Variants in SEMA4D observed in about 807,000 individuals in gnomAD.
SEMA4D encodes the protein semaphorin-4D.
Under a neutral mutation model 74.8 loss-of-function variants are expected in SEMA4D, and 22 were observed. The ratio of observed to expected loss-of-function variants is 0.29; its 90% CI spans 0.21 to 0.42. SEMA4D has a LOEUF of 0.42. Among genes scored for constraint, SEMA4D ranks in the 10% least tolerant of loss-of-function variants. The probability of loss-of-function intolerance (pLI) is 1.00; values close to 1 mark genes in which losing one functional copy is unlikely to be tolerated. For missense variants in SEMA4D, 937 were observed against 1,118.4 expected, an observed-to-expected ratio of 0.84 and a Z score of 2.31; for synonymous variants, 445 against 463.7, an observed-to-expected ratio of 0.96 and a Z score of 0.52.
intron 1 of SEMA4D, among the ~76,000 whole-genome samples, chr9:89,466,476 G>A (rs1858737617): frequency 6.6e-6 from 1 of 152,100 alleles, no homozygotes; most frequent in South Asian, 2.1e-4. Flanking sequence ...CAGGCCAGGT[G>A]AACACATGCT....
At chr9:89,388,406 A>G (rs567556500) in intron 11 of SEMA4D, among the ~76,000 whole-genome samples, 11 of 152,272 alleles carry the variant, frequency 7.2e-5, no homozygotes, top group Middle Eastern at 3.2e-3. Context: ...TTAATTGTGC[A>G]AAACAGCTGC....
At chr9:89,449,121 C>G (rs948651445) in intron 2 of SEMA4D, among the ~76,000 whole-genome samples, 6 of 152,198 alleles carry the variant, frequency 3.9e-5, no homozygotes, top group African/African-American at 1.4e-4. Flanking sequence ...GGGGTATGCT[C>G]ACTGAAAGCA....
intron 2 of SEMA4D, among the ~76,000 whole-genome samples, chr9:89,430,906 G>A (rs1849141265): frequency 1.3e-5 from 2 of 152,190 alleles, no homozygotes; most frequent in Admixed American, 1.3e-4. Flanking sequence ...GAACCCGGGA[G>A]GCGGAGGCTG....
intron 5 of SEMA4D, among the ~76,000 whole-genome samples, chr9:89,397,188 T>C (rs1300498274): frequency 6.6e-6 from 1 of 152,214 alleles, no homozygotes; most frequent in African/African-American, 2.4e-5. Flanking sequence ...CCCTAATTGA[T>C]ACTCAGCAAA....
chr9:89,416,650 G>A (rs997024878), intron 2 of SEMA4D, among the ~76,000 whole-genome samples: 2 of 152,186 alleles, frequency 1.3e-5, no homozygotes, highest in Non-Finnish European at 2.9e-5. Context: ...TGGACAGACA[G>A]CCAACTGTTA....
intron 9 of SEMA4D, among the ~76,000 whole-genome samples, chr9:89,389,320 C>T (rs1378420665): frequency 6.6e-6 from 1 of 152,242 alleles, no homozygotes; most frequent in Non-Finnish European, 1.5e-5. Flanking sequence ...ATCGTCCATG[C>T]CTGCCTGTGC....
At chr9:89,412,023 C>A (rs567199982) in intron 2 of SEMA4D, among the ~76,000 whole-genome samples, 17 of 152,316 alleles carry the variant, frequency 1.1e-4, no homozygotes, top group African/African-American at 3.6e-4. Flanking sequence ...GTTCTACCCC[C>A]AGGAGCTGCT....
chr9:89,396,602 G>A (rs28725340), intron 6 of SEMA4D, 135 bp downstream of exon 6: 145,813 of 756,240 alleles, frequency 0.19, 16,197 homozygotes, highest in Non-Finnish European at 0.22. Context: ...AGCTGCCCCC[G>A]TTTTCTGCAG....
chr9:89,372,421 G>A (rs1324664975), downstream of SEMA4D, among the ~76,000 whole-genome samples: 3 of 151,432 alleles, frequency 2.0e-5, no homozygotes, highest in Non-Finnish European at 4.4e-5. Context: ...GGGGTGTGGT[G>A]TGTGTGTCCC....
intron 13 of SEMA4D, chr9:89,385,181 C>T (rs1838171837): frequency 1.1e-6 from 1 of 909,416 alleles, no homozygotes; most frequent in Middle Eastern, 5.7e-4. Flanking sequence ...CTTCCTACCC[C>T]CTTCTGCCTT....
chr9:89,363,275 C>CCA (rs375747695), intron 18 of SEMA4D, among the ~76,000 whole-genome samples: 2 of 152,164 alleles, frequency 1.3e-5, no homozygotes, highest in African/African-American at 2.4e-5. Context: ...TTTCCCCCCC[C>CCA]AGTGTTGCAG....
intron 2 of SEMA4D, among the ~76,000 whole-genome samples, chr9:89,413,034 T>G (rs1251093345): frequency 2.6e-5 from 4 of 152,220 alleles, no homozygotes; most frequent in Non-Finnish European, 4.4e-5. Flanking sequence ...AAGGCCATTT[T>G]GCTGGCTTTC....
downstream of SEMA4D, among the ~76,000 whole-genome samples, chr9:89,373,171 T>G (rs752807003): frequency 7.9e-5 from 12 of 152,112 alleles, no homozygotes; most frequent in Non-Finnish European, 1.5e-4. Context: ...CTCTCCGCCC[T>G]ACTCCGCCCA....
intron 6 of SEMA4D, among the ~76,000 whole-genome samples, chr9:89,395,630 G>A (rs78433876): frequency 9.9e-4 from 150 of 152,114 alleles, no homozygotes; most frequent in Non-Finnish European, 1.7e-3. Context: ...AAATACAAAC[G>A]ACTGTCTTTG....
intron 1 of SEMA4D, among the ~76,000 whole-genome samples, chr9:89,478,492 A>C (rs978909361): frequency 6.6e-6 from 1 of 152,114 alleles, no homozygotes; most frequent in Non-Finnish European, 1.5e-5. Context: ...TGGGAGAATA[A>C]GTTTCTGTTG....
Position 89,405,536 on chromosome 9 carries a change from C to A in SEMA4D, c.-80G>T. The stretch of plus-strand genomic sequence containing the variant: ...CCGGGCAGGTGTGCTATTGCAGATG[C>A]GGCTCAGCGCCCCAGGACCAGGGCC... On this transcript the variant is annotated 5_prime_UTR_variant, in exon 3 of 16. Transcript: ENST00000422704. The A allele has an allele frequency of 6.4e-7, 1 of 1,568,030 alleles. No homozygotes were observed. Among genetic ancestry groups the A allele is most frequent in the Non-Finnish European group, 8.6e-7 (1 of 1,161,538 alleles).
intron 4 of SEMA4D, among the ~76,000 whole-genome samples, chr9:89,400,747 A>G (rs979425533): frequency 6.6e-6 from 1 of 152,148 alleles, no homozygotes; most frequent in Non-Finnish European, 1.5e-5. Context: ...TCACGTTTGC[A>G]GGGATTTTCA....
chr9:89,487,705 T>C (rs2136240371), intron 1 of SEMA4D, among the ~76,000 whole-genome samples: 1 of 152,328 alleles, frequency 6.6e-6, no homozygotes, highest in Admixed American at 6.5e-5. Context: ...AAAAATCAAT[T>C]GTATTTCTAT....
intron 2 of SEMA4D, among the ~76,000 whole-genome samples, chr9:89,452,831 A>G (rs1170163719): frequency 6.6e-6 from 1 of 152,146 alleles, no homozygotes; most frequent in East Asian, 1.9e-4. Flanking sequence ...CTGTCTCTAG[A>G]CTGCATGGCT....
Sources: allele counts gnomAD v4.1 joint callset (sites outside exome capture counted in the v4.1 genomes callset), GRCh38; gene constraint gnomAD v4.1.1; transcripts MANE v1.5; gene names NCBI Gene and HGNC (gene_info 2026-07-23, HGNC 2026-07-21).